The following STAM variants were observed in gnomAD, a reference collection of about 807,000 sequenced individuals.
STAM encodes the protein signal transducing adaptor molecule.
A neutral mutation model predicts 63.4 loss-of-function variants in STAM; 16 were observed. The observed-to-expected ratio is 0.25, with a 90% CI of 0.17 to 0.38. STAM has a LOEUF of 0.38. STAM is among the 10% of genes least tolerant of loss of function. The pLI is 1.00. For synonymous variants in STAM, 238 were observed against 223.9 expected, an observed-to-expected ratio of 1.06 and a Z score of -0.56; for missense variants, 636 against 657.1, an observed-to-expected ratio of 0.97 and a Z score of 0.35.
chr10:17,665,568 C>G (rs868967568), intron 2 of STAM, among the ~76,000 whole-genome samples: 3 of 151,852 alleles, frequency 2.0e-5, no homozygotes, highest in Non-Finnish European at 2.9e-5. Context: ...TCCTGTCAGT[C>G]TTAGAAATGT....
chr10:17,694,717 A>T (rs1261791269), intron 6 of STAM, among the ~76,000 whole-genome samples: 1 of 152,304 alleles, frequency 6.6e-6, no homozygotes, highest in Non-Finnish European at 1.5e-5. Flanking sequence ...ATTATTTTGA[A>T]AAAAAGGTCA....
intron 6 of STAM, among the ~76,000 whole-genome samples, chr10:17,693,878 G>C (rs1223669565): frequency 6.7e-6 from 1 of 149,104 alleles, no homozygotes; most frequent in East Asian, 1.9e-4. Flanking sequence ...CTTCAGTTTT[G>C]TTAAATGGTT....
intron 2 of STAM, among the ~76,000 whole-genome samples, chr10:17,661,897 G>A (rs1317699047): frequency 2.9e-5 from 3 of 102,356 alleles, no homozygotes; most frequent in African/African-American, 9.8e-5. Context: ...TCCCAAATGT[G>A]GTCCCATCCA....
At chr10:17,673,603 G>A (rs900173183) in intron 2 of STAM, among the ~76,000 whole-genome samples, 1 of 152,202 alleles carries the variant, frequency 6.6e-6, no homozygotes. Context: ...CCAAGGATGA[G>A]CTGTGTAACC....
intron 2 of STAM, among the ~76,000 whole-genome samples, chr10:17,674,989 C>T (rs1690576763): frequency 6.6e-6 from 1 of 152,246 alleles, no homozygotes; most frequent in African/African-American, 2.4e-5. Context: ...TTAAATCTAA[C>T]ATTTAATTAT....
chr10:17,650,166 C>T (rs1347424532), intron 1 of STAM, among the ~76,000 whole-genome samples: 2 of 152,148 alleles, frequency 1.3e-5, no homozygotes, highest in Non-Finnish European at 2.9e-5. Context: ...TCACATTCTC[C>T]TGAAGTGTGA....
intron 5 of STAM, among the ~76,000 whole-genome samples, chr10:17,690,786 TGCAGTTCTGTTA>T (rs1554826677): frequency 6.6e-6 from 1 of 152,230 alleles, no homozygotes; most frequent in African/African-American, 2.4e-5. Flanking sequence ...CTCATACTGA[TGCAGTTCTGTTA>T]GCACTAACTT....
intron 13 of STAM, among the ~76,000 whole-genome samples, chr10:17,712,114 C>T (rs1226910542): frequency 6.6e-6 from 1 of 152,180 alleles, no homozygotes; most frequent in African/African-American, 2.4e-5. Context: ...AGAATGATTA[C>T]AATAATGCTA....
At chr10:17,669,788 C>G (rs1834551708) in intron 2 of STAM, among the ~76,000 whole-genome samples, 1 of 151,480 alleles carries the variant, frequency 6.6e-6, no homozygotes, top group African/African-American at 2.4e-5. Context: ...AATGCCGCCT[C>G]CCAGGTTCAC....
At position 17,688,485 on chromosome 10, in the gene STAM, C is replaced by T. The variant is rs117540857; in HGVS notation, c.444+312C>T. Among the ~76,000 whole-genome samples the T allele has an allele frequency of 2.9e-3, 434 of 152,148 alleles. 4 individuals are homozygous for T. Among genetic ancestry groups the T allele is most frequent in the Admixed American group, 7.9e-3 (121 of 15,288 alleles). ...AGTTTTTGTTTGTTTGTTTTTGAGA[C>T]GGAGTCTTTGTTTGTCGCCCTGGGT... On this transcript the variant is annotated intron_variant, in intron 5 of 13. Coordinates refer to ENST00000377524, the MANE Select transcript of STAM (RefSeq NM_003473.4).
chr10:17,693,252 C>T lies in STAM; in HGVS notation c.475C>T (p.Leu159Phe). 1 of 1,613,634 alleles carries T rather than the reference C, an allele frequency of 6.2e-7. No homozygotes were observed. Among genetic ancestry groups the T allele is most frequent in the Non-Finnish European group, 8.5e-7 (1 of 1,179,828 alleles). Reference protein sequence around the residue: ...AAEQAKASPALVAKDPGTVAN... With the variant: ...AAEQAKASPAFVAKDPGTVAN... ...AGAACAAGCAAAAGCAAGCCCAGCT[C>T]TTGTAGCCAAGGATCCTGGTACTGT... Residue 159 changes from leucine (L) to phenylalanine (F), a missense_variant, in exon 6 of 14, where the codon CTT becomes TTT. By Grantham distance (22) the Leu-to-Phe change is conservative (BLOSUM62 0). Coordinates refer to ENST00000377524, the MANE Select transcript of STAM (RefSeq NM_003473.4).
At chr10:17,663,270 A>G (rs948880834) in intron 2 of STAM, among the ~76,000 whole-genome samples, 4 of 151,196 alleles carry the variant, frequency 2.6e-5, no homozygotes, top group African/African-American at 9.7e-5. Flanking sequence ...AAATTTACTA[A>G]TTTATAGCTT....
intron 2 of STAM, among the ~76,000 whole-genome samples, chr10:17,666,080 G>A (rs1323936817): frequency 1.3e-5 from 2 of 152,082 alleles, no homozygotes; most frequent in Admixed American, 6.5e-5. Context: ...ATAGACGTGA[G>A]GATAAATACT....
intron 2 of STAM, 57 bp downstream of exon 2, chr10:17,660,605 G>C: frequency 7.1e-7 from 1 of 1,418,250 alleles, no homozygotes; most frequent in Non-Finnish European, 9.7e-7. Context: ...AACACGAAAG[G>C]CCAGGTGCAG....
intron 7 of STAM, 29 bp from the exon 8 acceptor site, chr10:17,696,746 G>T: frequency 6.9e-7 from 1 of 1,450,868 alleles, no homozygotes; most frequent in Non-Finnish European, 9.7e-7. Context: ...CATTTGTTAT[G>T]GTAAAGCATT....
chr10:17,659,290 A>G (rs1311084106), intron 1 of STAM, among the ~76,000 whole-genome samples: 1 of 152,092 alleles, frequency 6.6e-6, no homozygotes, highest in East Asian at 1.9e-4. Flanking sequence ...CATTCTACTT[A>G]CATGGAAGCA....
intron 2 of STAM, 56 bp from the exon 3 acceptor site, chr10:17,684,619 G>A: frequency 7.0e-7 from 1 of 1,424,736 alleles, no homozygotes; most frequent in Non-Finnish European, 9.8e-7. Flanking sequence ...ACAGTTAAGG[G>A]GCAGGGGGAA....
chr10:17,651,883 C>A (rs1833755281), intron 1 of STAM, among the ~76,000 whole-genome samples: 1 of 152,212 alleles, frequency 6.6e-6, no homozygotes, highest in Non-Finnish European at 1.5e-5. Flanking sequence ...CTCCTGTCAG[C>A]ATTTCTTACC....
intron 2 of STAM, among the ~76,000 whole-genome samples, chr10:17,673,668 A>G (rs1834730780): frequency 6.6e-6 from 1 of 152,152 alleles, no homozygotes; most frequent in Non-Finnish European, 1.5e-5. Flanking sequence ...TTAAGGAGAA[A>G]AACCCCGCAA....
Sources: gnomAD v4.1 joint callset for allele counts (sites outside exome capture counted in the v4.1 genomes callset) on GRCh38, gnomAD v4.1.1 for gene constraint, MANE v1.5 for transcripts, NCBI Gene and HGNC (gene_info 2026-07-23, HGNC 2026-07-21) for gene names.